The following PSPC1 variants were observed in gnomAD, a reference collection of about 807,000 sequenced individuals.
PSPC1 encodes paraspeckle component 1.
In PSPC1, 14 loss-of-function variants were observed where a neutral mutation model predicts 51.6. The ratio of observed to expected loss-of-function variants is 0.27; its 90% CI spans 0.18 to 0.42. The LOEUF (loss-of-function observed/expected upper bound fraction) is 0.42, where lower values mean the gene tolerates loss of function less well. PSPC1 is among the 10% of genes least tolerant of loss of function. The probability of loss-of-function intolerance (pLI) is 1.00; values close to 1 mark genes in which losing one functional copy is unlikely to be tolerated. For missense variants in PSPC1, 406 were observed against 701.1 expected, an observed-to-expected ratio of 0.58 and a Z score of 4.75; for synonymous variants, 193 against 231.9, an observed-to-expected ratio of 0.83 and a Z score of 1.53.
At chr13:19,721,500 A>C (rs572356555) in intron 6 of PSPC1, among the ~76,000 whole-genome samples, 24 of 152,360 alleles carry the variant, frequency 1.6e-4, no homozygotes, top group African/African-American at 5.8e-4. Flanking sequence ...CAGCAGGAAT[A>C]ATAAACAAAT....
chr13:19,721,158 C>T (rs963183071), intron 6 of PSPC1, among the ~76,000 whole-genome samples: 5 of 152,026 alleles, frequency 3.3e-5, no homozygotes, highest in Admixed American at 6.6e-5. Flanking sequence ...TATAATTTAC[C>T]GTCACTATGT....
chr13:19,682,801 G>A (rs915192680), intron 6 of PSPC1, among the ~76,000 whole-genome samples: 2 of 151,912 alleles, frequency 1.3e-5, no homozygotes, highest in Admixed American at 1.3e-4. Flanking sequence ...ATGGCTCACA[G>A]GTATAATCCC....
chr13:19,682,096 A>G (rs180983379), intron 6 of PSPC1, among the ~76,000 whole-genome samples: 2 of 152,344 alleles, frequency 1.3e-5, no homozygotes, highest in East Asian at 3.9e-4. Context: ...AAAGAACTTG[A>G]CAACAGATCC....
intron 1 of PSPC1, among the ~76,000 whole-genome samples, chr13:19,775,787 A>G (rs527888808): frequency 8.5e-5 from 13 of 152,304 alleles, no homozygotes; most frequent in African/African-American, 2.6e-4. Context: ...ACAGTGGCTC[A>G]CGCCTGTAAT....
chr13:19,735,055 T>C (rs9550588), intron 5 of PSPC1, among the ~76,000 whole-genome samples: 16,552 of 151,100 alleles, frequency 0.11, 1,033 homozygotes, highest in Middle Eastern at 0.14. Flanking sequence ...CTCATGCTTG[T>C]AATCCCAGCG....
chr13:19,689,660 C>T (rs796967707), intron 6 of PSPC1, among the ~76,000 whole-genome samples: 19 of 152,272 alleles, frequency 1.2e-4, no homozygotes, highest in African/African-American at 4.6e-4. Context: ...TCCCATTCTT[C>T]CTAACTTGTA....
chr13:19,740,192 A>T (rs1378055550), intron 5 of PSPC1, among the ~76,000 whole-genome samples: 1 of 152,040 alleles, frequency 6.6e-6, no homozygotes, highest in Non-Finnish European at 1.5e-5. Flanking sequence ...AAAAGTACAA[A>T]ATTAGCCGAG....
chr13:19,671,879 AAC>A, downstream of PSPC1: 1 of 1,613,998 alleles, frequency 6.2e-7, no homozygotes, highest in Non-Finnish European at 8.5e-7. Flanking sequence ...GCAGTGACCA[AAC>A]AGAAGGGACT....
At chr13:19,730,700 G>A (rs1883941116) in intron 5 of PSPC1, among the ~76,000 whole-genome samples, 1 of 152,062 alleles carries the variant, frequency 6.6e-6, no homozygotes, top group Non-Finnish European at 1.5e-5. Flanking sequence ...GCTCACACCT[G>A]TAATCCCAGC....
intron 5 of PSPC1, among the ~76,000 whole-genome samples, chr13:19,739,757 A>T (rs188709334): frequency 4.0e-4 from 61 of 150,912 alleles, no homozygotes; most frequent in Admixed American, 1.1e-3. Context: ...AATAAAATTT[A>T]AAAAAAAAGT....
At chr13:19,758,422 C>T (rs957313081) in intron 3 of PSPC1, among the ~76,000 whole-genome samples, 2 of 152,002 alleles carry the variant, frequency 1.3e-5, no homozygotes, top group African/African-American at 4.8e-5. Flanking sequence ...TTTTTTGCAA[C>T]CTCTAAGAGT....
At chr13:19,767,578 AAT>A (rs1333864095) in intron 2 of PSPC1, among the ~76,000 whole-genome samples, 4 of 152,156 alleles carry the variant, frequency 2.6e-5, no homozygotes, top group African/African-American at 9.6e-5. Context: ...GCTTAGGGTA[AAT>A]ATGGTAATTA....
In PSPC1 at chr13:19,759,360, G is replaced by A. The variant is rs769893223; in HGVS notation, c.733C>T (p.Pro245Ser). Residue 245 changes from proline to serine, a missense_variant, in exon 3 of 9, where the codon CCA (proline) becomes TCA (serine). By Grantham distance (74) the Pro-to-Ser change is moderately conservative (BLOSUM62 -1). Coordinates refer to ENST00000338910, the MANE Select transcript of PSPC1 (RefSeq NM_001354909.2). ...TGAGTTTTCTGCATCAGCTTCTCTG[G>A]CAAGCCATCTTCATCATCAAACTGC... Reference protein sequence around the residue: ...MEQFDDEDGLPEKLMQKTQQY... With the variant: ...MEQFDDEDGLSEKLMQKTQQY... 6.2e-7 allele frequency: 1 copy of A among 1,613,968 alleles called. No individual in the cohort carries two copies. Among genetic ancestry groups the A allele is most frequent in the Admixed American group, 1.7e-5 (1 of 59,974 alleles).
At chr13:19,694,156 T>C (rs1288223742) in intron 6 of PSPC1, among the ~76,000 whole-genome samples, 2 of 127,318 alleles carry the variant, frequency 1.6e-5, no homozygotes, top group Admixed American at 1.6e-4. Context: ...AAAAACCATA[T>C]ATATATATAT....
intron 5 of PSPC1, among the ~76,000 whole-genome samples, chr13:19,741,161 A>AATT (rs1885399301): frequency 6.6e-6 from 1 of 152,200 alleles, no homozygotes; most frequent in Non-Finnish European, 1.5e-5. Context: ...GGCATGAGCT[A>AATT]CTGCCCCCAG....
intron 5 of PSPC1, 28 bp from the exon 6 acceptor site, chr13:19,730,372 G>C (rs1194818824): frequency 1.9e-6 from 3 of 1,596,062 alleles, no homozygotes. Flanking sequence ...AAAAATTTCA[G>C]CATCATAACA....
chr13:19,753,224 A>G (rs1015529815), intron 3 of PSPC1, among the ~76,000 whole-genome samples: 13 of 145,634 alleles, frequency 8.9e-5, no homozygotes, highest in African/African-American at 3.3e-4. Context: ...CGGAGGTTAC[A>G]GTGAGCCGAG....
At position 19,782,329 on chromosome 13, in the gene PSPC1, A is replaced by C. The variant is rs1024473239; in HGVS notation, c.372+57T>G. 1 of 1,518,916 alleles carries C rather than the reference A, an allele frequency of 6.6e-7. No homozygotes were observed. The highest frequency in any genetic ancestry group is 1.3e-5 in the South Asian group (1 of 78,056). The allele number at this position is 1,518,916 out of a possible 1,614,324, so 94.1% of individuals were successfully genotyped here. On this transcript the variant is annotated intron_variant, in intron 1 of 8. Coordinates refer to ENST00000338910, the MANE Select transcript of PSPC1 (RefSeq NM_001354909.2). This position sits in a 1 kb window ranked among gnomAD's most constrained non-coding sequence, Gnocchi z 4.5. ...GGACGAGGCTGGCCTCAGCCCCACGACCCCGCGGCCACCCCGACAGTCCTT... is the reference window on the plus strand; with the variant it reads ...GGACGAGGCTGGCCTCAGCCCCACGCCCCCGCGGCCACCCCGACAGTCCTT...
chr13:19,736,522 A>G lies in PSPC1; in HGVS notation c.1052+5043T>C, dbSNP rs551191798. On this transcript the variant is annotated intron_variant, in intron 5 of 8. Transcript: ENST00000338910. ...CACAGTGAAACCCCATCTCTACTAA[A>G]AATACAAAAAATTAGCCAGGTGTGG... is the stretch of plus-strand genomic sequence containing the variant. Among the ~76,000 whole-genome samples the G allele has an allele frequency of 2.6e-5, 4 of 152,046 alleles. No individual in the cohort carries two copies. In the South Asian group the frequency reaches 8.3e-4, roughly 32 times the overall value.
Sources: allele counts gnomAD v4.1 joint callset (sites outside exome capture counted in the v4.1 genomes callset), GRCh38; gene constraint gnomAD v4.1.1; non-coding constraint Gnocchi (gnomAD v3.1); transcripts MANE v1.5; gene names NCBI Gene and HGNC (gene_info 2026-07-23, HGNC 2026-07-21).